The following PTPRM variants were observed in gnomAD, a reference collection of about 807,000 sequenced individuals.
PTPRM encodes the protein receptor-type tyrosine-protein phosphatase mu.
A neutral mutation model predicts 186.7 loss-of-function variants in PTPRM; 47 were observed. The observed-to-expected ratio is 0.25, with a 90% CI of 0.20 to 0.32. The LOEUF (loss-of-function observed/expected upper bound fraction) is 0.32, where lower values mean the gene tolerates loss of function less well. Among genes scored for constraint, PTPRM ranks in the 10% least tolerant of loss-of-function variants. The probability of loss-of-function intolerance (pLI) is 1.00; values close to 1 mark genes in which losing one functional copy is unlikely to be tolerated. For missense variants in PTPRM, 1,494 were observed against 1,865.0 expected, an observed-to-expected ratio of 0.80 and a Z score of 3.66; for synonymous variants, 668 against 674.9, an observed-to-expected ratio of 0.99 and a Z score of 0.16.
chr18:8,289,487 T>C (rs1036879685), intron 19 of PTPRM, among the ~76,000 whole-genome samples: 6 of 142,358 alleles, frequency 4.2e-5, no homozygotes, highest in South Asian at 2.1e-4. Context: ...TGTATATATA[T>C]ACATATATGT....
At chr18:8,094,641 T>C (rs1165332675) in intron 11 of PTPRM, among the ~76,000 whole-genome samples, 1 of 152,082 alleles carries the variant, frequency 6.6e-6, no homozygotes, top group African/African-American at 2.4e-5. Flanking sequence ...CAGATCTAAA[T>C]AATGCTTACT....
At chr18:7,647,070 G>A (rs1006623984) in intron 1 of PTPRM, among the ~76,000 whole-genome samples, 1 of 152,140 alleles carries the variant, frequency 6.6e-6, no homozygotes, top group African/African-American at 2.4e-5. Flanking sequence ...ATGTTCCTGA[G>A]ACACGTAACA....
At chr18:8,082,993 T>G (rs2145221483) in intron 9 of PTPRM, among the ~76,000 whole-genome samples, 1 of 152,106 alleles carries the variant, frequency 6.6e-6, no homozygotes, top group Admixed American at 6.6e-5. Flanking sequence ...CTTCACTGAG[T>G]TCTGTCCATT....
intron 14 of PTPRM, among the ~76,000 whole-genome samples, chr18:8,224,539 G>T (rs116510271): frequency 5.9e-5 from 9 of 152,204 alleles, no homozygotes; most frequent in Non-Finnish European, 1.3e-4. Flanking sequence ...AGCTGGTTCT[G>T]ACTCAGCTTG....
At chr18:7,988,838 C>T (rs1040246693) in intron 7 of PTPRM, among the ~76,000 whole-genome samples, 1 of 151,896 alleles carries the variant, frequency 6.6e-6, no homozygotes, top group African/African-American at 2.4e-5. Context: ...TTGCTTCTAC[C>T]TTTTGATTAT....
chr18:7,885,130 C>G (rs2048720864), intron 2 of PTPRM, among the ~76,000 whole-genome samples: 1 of 152,042 alleles, frequency 6.6e-6, no homozygotes, highest in African/African-American at 2.4e-5. Flanking sequence ...CCCTGAACCC[C>G]AGACCCTGAA....
chr18:7,684,705 C>G (rs115419951), intron 1 of PTPRM, among the ~76,000 whole-genome samples: 1,531 of 152,274 alleles, frequency 0.01, 32 homozygotes, highest in African/African-American at 0.035. Context: ...AATAATAATA[C>G]ATTGTATGTA....
intron 1 of PTPRM, among the ~76,000 whole-genome samples, chr18:7,691,439 G>A (rs866930657): frequency 7.3e-5 from 11 of 151,416 alleles, no homozygotes; most frequent in African/African-American, 2.4e-4. Context: ...TAGAGCTACC[G>A]ATGTTTGTGG....
chr18:7,877,324 T>C (rs2048295339), intron 2 of PTPRM, among the ~76,000 whole-genome samples: 1 of 152,174 alleles, frequency 6.6e-6, no homozygotes, highest in East Asian at 1.9e-4. Flanking sequence ...GAAGATAAAT[T>C]CAAGTGCCAT....
chr18:7,894,524 T>C (rs1450171643), intron 3 of PTPRM, among the ~76,000 whole-genome samples: 1 of 151,828 alleles, frequency 6.6e-6, no homozygotes, highest in Non-Finnish European at 1.5e-5. Flanking sequence ...AGGCAGAGCT[T>C]GCAGTGAGCC....
intron 19 of PTPRM, among the ~76,000 whole-genome samples, chr18:8,282,552 C>G (rs914903196): frequency 1.6e-4 from 25 of 152,104 alleles, no homozygotes; most frequent in Non-Finnish European, 4.4e-5. Flanking sequence ...ATCCCAGTTA[C>G]TAGGGAGGCT....
chr18:8,111,956 C>A (rs927855018), intron 11 of PTPRM, among the ~76,000 whole-genome samples: 1 of 152,124 alleles, frequency 6.6e-6, no homozygotes, highest in African/African-American at 2.4e-5. Context: ...CTTCTTTCAC[C>A]GCTGTCAACT....
intron 13 of PTPRM, among the ~76,000 whole-genome samples, chr18:8,117,484 TAAA>T (rs2145761722): frequency 6.6e-6 from 1 of 152,312 alleles, no homozygotes; most frequent in African/African-American, 2.4e-5. Flanking sequence ...GTATGTCTCT[TAAA>T]AATATATTTC....
rs1355276752 is a variant in PTPRM, at chr18:8,352,653, G to GTTT, written c.3054+9139_3054+9141dup. ...TTTTCTTTTTTTTTTTTTTGGTTTG[G>GTTT]TTTTTTTTGTTTGTTTGTTTGTTTG... On this transcript the variant is annotated intron_variant, in intron 23 of 32. Coordinates refer to ENST00000580170, the MANE Select transcript of PTPRM (RefSeq NM_001105244.2). Among the ~76,000 whole-genome samples the GTTT allele has an allele frequency of 8.9e-4, 108 of 121,318 alleles. 1 individual carries two copies. The highest frequency in any genetic ancestry group is 2.7e-3 in the African/African-American group (95 of 34,732). 79.6% of individuals were successfully genotyped at this position (121,318 alleles called of 152,430 possible).
chr18:8,143,374 A>T (rs539021822), intron 13 of PTPRM, among the ~76,000 whole-genome samples: 1 of 151,380 alleles, frequency 6.6e-6, no homozygotes, highest in African/African-American at 2.4e-5. Context: ...TATTTTTCTA[A>T]AAAAAAAATG....
intron 1 of PTPRM, among the ~76,000 whole-genome samples, chr18:7,578,231 A>G (rs929330131): frequency 6.6e-6 from 1 of 152,030 alleles, no homozygotes; most frequent in Non-Finnish European, 1.5e-5. Flanking sequence ...TGGCATGATC[A>G]TAGCTCACTG....
chr18:8,400,464 C>T (rs1029485656), intron 32 of PTPRM, among the ~76,000 whole-genome samples: 4 of 152,232 alleles, frequency 2.6e-5, no homozygotes, highest in Admixed American at 1.3e-4. Context: ...CCTGCCCCAG[C>T]CCACTTCAGC....
intron 1 of PTPRM, among the ~76,000 whole-genome samples, chr18:7,634,967 C>T (rs527468922): frequency 1.3e-5 from 2 of 152,258 alleles, no homozygotes; most frequent in East Asian, 3.9e-4. Flanking sequence ...ATGTATCACA[C>T]AGGCATATCT....
chr18:7,960,477 A>ATG lies in PTPRM; in HGVS notation c.1132+5064_1132+5065insGT, dbSNP rs1399487247. On this transcript the variant is annotated intron_variant, in intron 7 of 32. Coordinates refer to ENST00000580170, the MANE Select transcript of PTPRM (RefSeq NM_001105244.2). ...TATATATATATATATATATATATAT[A>ATG]TATACACACACACACACACACACAC... Among the ~76,000 whole-genome samples the ATG allele has an allele frequency of 1.0e-3, 100 of 96,958 alleles. 1 individual carries two copies. Among genetic ancestry groups the ATG allele is most frequent in the African/African-American group, 3.6e-3 (95 of 26,188 alleles). 63.6% of individuals were successfully genotyped at this position (96,958 alleles called of 152,430 possible). A position where few individuals can be genotyped will look rare whatever the true frequency, so the allele number is the denominator to read the frequency against.
Sources: allele counts gnomAD v4.1 joint callset (sites outside exome capture counted in the v4.1 genomes callset), GRCh38; gene constraint gnomAD v4.1.1; transcripts MANE v1.5; gene names NCBI Gene and HGNC (gene_info 2026-07-23, HGNC 2026-07-21).